TMEM163: variants seen among roughly 807,000 people sequenced by gnomAD.
TMEM163 encodes transmembrane protein 163.
TMEM163 carries 17 observed loss-of-function variants against 29.3 expected under a neutral mutation model. The observed-to-expected ratio is 0.58, with a 90% CI of 0.40 to 0.87. The LOEUF (loss-of-function observed/expected upper bound fraction) is 0.87. Among genes scored for constraint, TMEM163 ranks in the 40% least tolerant of loss-of-function variants. TMEM163 has a pLI of 0.00. For missense variants in TMEM163, 303 were observed against 381.5 expected, an observed-to-expected ratio of 0.79 and a Z score of 1.71; for synonymous variants, 157 against 160.6, an observed-to-expected ratio of 0.98 and a Z score of 0.17.
chr2:134,506,764 T>C (rs1262306556), intron 4 of TMEM163, among the ~76,000 whole-genome samples: 6 of 152,168 alleles, frequency 3.9e-5, no homozygotes, highest in African/African-American at 1.4e-4. Flanking sequence ...ACAGTGCAAA[T>C]ATGACTGCTT....
chr2:134,632,322 AG>A (rs767344254), intron 2 of TMEM163, among the ~76,000 whole-genome samples: 3 of 152,204 alleles, frequency 2.0e-5, no homozygotes, highest in Non-Finnish European at 4.4e-5. Context: ...GTTCACCAGT[AG>A]GAACAACTGG....
chr2:134,492,868 G>A (rs781251083), intron 5 of TMEM163, among the ~76,000 whole-genome samples: 6 of 152,184 alleles, frequency 3.9e-5, no homozygotes, highest in African/African-American at 1.4e-4. Flanking sequence ...AATACCTAAG[G>A]TTGGATGGCT....
At chr2:134,496,535 A>G (rs1352477937) in intron 5 of TMEM163, among the ~76,000 whole-genome samples, 1 of 152,184 alleles carries the variant, frequency 6.6e-6, no homozygotes, top group African/African-American at 2.4e-5. Context: ...GCACCAGTGA[A>G]CAGAGATGGC....
chr2:134,496,789 C>T (rs561168259), intron 5 of TMEM163, among the ~76,000 whole-genome samples: 25 of 151,948 alleles, frequency 1.6e-4, no homozygotes, highest in Non-Finnish European at 3.2e-4. Flanking sequence ...TGACTTACAA[C>T]ACAAAGTCAT....
intron 2 of TMEM163, among the ~76,000 whole-genome samples, chr2:134,567,027 T>C (rs1482259625): frequency 6.6e-6 from 1 of 152,170 alleles, no homozygotes; most frequent in Non-Finnish European, 1.5e-5. Context: ...ACACAAGAAA[T>C]TCCAGATGAT....
intron 5 of TMEM163, among the ~76,000 whole-genome samples, chr2:134,482,207 G>T (rs552293982): frequency 2.2e-4 from 34 of 152,102 alleles, no homozygotes; most frequent in Non-Finnish European, 4.0e-4. Flanking sequence ...GTTATTAATG[G>T]TGTTGCTCAC....
At chr2:134,507,707 A>AT (rs1489486745) in intron 4 of TMEM163, among the ~76,000 whole-genome samples, 1 of 152,040 alleles carries the variant, frequency 6.6e-6, no homozygotes, top group African/African-American at 2.4e-5. Context: ...CAAAAAATAA[A>AT]TTAGCTGGGC....
chr2:134,515,833 C>A (rs934918003), intron 4 of TMEM163, among the ~76,000 whole-genome samples: 3 of 152,200 alleles, frequency 2.0e-5, no homozygotes, highest in African/African-American at 7.2e-5. Flanking sequence ...TTGTTCCCTT[C>A]TACTTTTCTG....
In TMEM163 at chr2:134,519,217, G is replaced by A. The variant is rs190950844; in HGVS notation, c.459-16220C>T. On this transcript the variant is annotated intron_variant, in intron 4 of 7. Coordinates refer to ENST00000281924, the MANE Select transcript of TMEM163 (RefSeq NM_030923.5). Reference sequence around the variant, plus strand: ...CAAGCCAAATAAATCAGATTAGAGAGCCCCAAAAAGCAAGACTTCCCTCCT... The same window carrying A: ...CAAGCCAAATAAATCAGATTAGAGAACCCCAAAAAGCAAGACTTCCCTCCT... 4.5e-3 allele frequency among the ~76,000 whole-genome samples: 681 copies of A among 152,240 alleles called. 22 individuals are homozygous for A. Among genetic ancestry groups the A allele is most frequent in the Admixed American group, 0.041 (629 of 15,286 alleles).
At chr2:134,516,695 GCATATATTCATATA>G (rs1480112738) in intron 4 of TMEM163, among the ~76,000 whole-genome samples, 5 of 113,600 alleles carry the variant, frequency 4.4e-5, no homozygotes, top group Admixed American at 9.2e-5. Flanking sequence ...GCATATATAT[GCATATATTCATATA>G]TACATATATA....
chr2:134,523,158 T>A (rs960458967), intron 4 of TMEM163, among the ~76,000 whole-genome samples: 1 of 152,148 alleles, frequency 6.6e-6, no homozygotes, highest in Non-Finnish European at 1.5e-5. Flanking sequence ...ATGCTTTGTG[T>A]AAAAAGGGCT....
intron 2 of TMEM163, among the ~76,000 whole-genome samples, chr2:134,642,984 G>A (rs2104841300): frequency 6.6e-6 from 1 of 151,932 alleles, no homozygotes; most frequent in East Asian, 2.0e-4. Context: ...AGCATGGCAA[G>A]CAGAAGCAGA....
chr2:134,470,594 G>C (rs539681858), intron 5 of TMEM163, among the ~76,000 whole-genome samples: 3 of 152,290 alleles, frequency 2.0e-5, no homozygotes, highest in Non-Finnish European at 4.4e-5. Context: ...GGCCATCTCT[G>C]AGTGTCACGC....
intron 2 of TMEM163, among the ~76,000 whole-genome samples, chr2:134,684,188 C>T (rs931668620): frequency 6.6e-6 from 1 of 152,084 alleles, no homozygotes; most frequent in Non-Finnish European, 1.5e-5. Context: ...TTGGTCTTTG[C>T]CTGATGATAT....
chr2:134,670,669 G>T (rs1683975689), intron 2 of TMEM163, among the ~76,000 whole-genome samples: 1 of 152,184 alleles, frequency 6.6e-6, no homozygotes, highest in Admixed American at 6.5e-5. Context: ...GTGCATTAAT[G>T]AGCTCAGGCA....
intron 2 of TMEM163, among the ~76,000 whole-genome samples, chr2:134,629,144 T>C (rs1204554829): frequency 6.6e-6 from 1 of 152,200 alleles, no homozygotes; most frequent in Admixed American, 6.5e-5. Flanking sequence ...AATACTATTA[T>C]CACCACTATT....
At chr2:134,467,605 G>A (rs1574153826) in intron 5 of TMEM163, 2 of 152,206 alleles carry the variant, frequency 1.3e-5, no homozygotes, top group Non-Finnish European at 1.5e-5. Context: ...CATGAAACAT[G>A]AGGAACGACC....
chr2:134,610,872 C>T (rs1558963858), intron 2 of TMEM163, among the ~76,000 whole-genome samples: 1 of 152,094 alleles, frequency 6.6e-6, no homozygotes, highest in Non-Finnish European at 1.5e-5. Context: ...AGAGCTTGGG[C>T]TAATTGCTAC....
chr2:134,685,240 T>C (rs77729751), intron 2 of TMEM163, among the ~76,000 whole-genome samples: 6,702 of 152,276 alleles, frequency 0.044, 223 homozygotes, highest in Admixed American at 0.085. Flanking sequence ...AGAATAACTG[T>C]TTCTAAAATT....
Sources: allele counts gnomAD v4.1 joint callset (sites outside exome capture counted in the v4.1 genomes callset), GRCh38; gene constraint gnomAD v4.1.1; transcripts MANE v1.5; gene names NCBI Gene and HGNC (gene_info 2026-07-23, HGNC 2026-07-21).